The following ARL1 variants were observed in gnomAD, a reference collection of about 807,000 sequenced individuals.
ARL1 encodes the protein ARF like GTPase 1.
Under a neutral mutation model 30.1 loss-of-function variants are expected in ARL1, and 17 were observed. That is an observed-to-expected ratio of 0.56 (90% CI 0.39 to 0.85). The LOEUF (loss-of-function observed/expected upper bound fraction) is 0.85. Ranked by LOEUF, ARL1 falls within the 40% of genes least tolerant of loss-of-function variation. The probability of loss-of-function intolerance (pLI) is 0.00; values close to 1 mark genes in which losing one functional copy is unlikely to be tolerated. For missense variants in ARL1, 102 were observed against 212.6 expected (o/e 0.48, Z 3.24); for synonymous variants, 58 against 71.7 (o/e 0.81, Z 0.97).
intron 4 of ARL1, among the ~76,000 whole-genome samples, chr12:101,398,574 C>T (rs1336535232): frequency 1.3e-5 from 2 of 151,764 alleles, no homozygotes; most frequent in South Asian, 2.1e-4. Context: ...CTCAGCCTCC[C>T]GTGTAGCTGG....
Position 101,402,922 on chromosome 12 carries a change from A to C in ARL1, c.167T>G (p.Val56Gly). 6.2e-7 allele frequency: 1 copy of C among 1,613,004 alleles called. No homozygotes were observed. The highest frequency in any genetic ancestry group is 8.5e-7 in the Non-Finnish European group (1 of 1,179,260). ...TTGGAATTTAAGGTTTTTGTACGTC[A>C]CCGTCTCTACATTAAATCCAATGGC... ...IPTIGFNVET[V>G]TYKNLKFQVW... The change falls in exon 3 of 6, where the codon GTG becomes GGG. Residue 56 changes from valine (V) to glycine (G), a missense_variant. Val to Gly is a moderately radical substitution (Grantham distance 109). Coordinates refer to ENST00000261636, the MANE Select transcript of ARL1 (RefSeq NM_001177.6).
intron 4 of ARL1, among the ~76,000 whole-genome samples, chr12:101,399,156 G>A (rs1333208587): frequency 6.6e-6 from 1 of 151,782 alleles, no homozygotes; most frequent in Non-Finnish European, 1.5e-5. Context: ...AAACTATTAA[G>A]TCTGCAATTT....
In ARL1 at chr12:101,399,921, A is replaced by AT. The variant is rs992019085; in HGVS notation, c.336+1140dup. Among the ~76,000 whole-genome samples the AT allele has an allele frequency of 2.3e-4, 35 of 151,400 alleles. No individual in the cohort carries two copies. The East Asian group carries it at 5.8e-3, about 25-fold the overall frequency. ...GAGAGATACATAAGTAAACAAATAT[A>AT]TTTTTTTTTAATTTTTATTTTTTGA... On this transcript the variant is annotated intron_variant, in intron 4 of 5. Coordinates refer to ENST00000261636, the MANE Select transcript of ARL1 (RefSeq NM_001177.6).
intron 4 of ARL1, among the ~76,000 whole-genome samples, chr12:101,399,509 TAA>T (rs200979843): frequency 1.4e-4 from 16 of 110,554 alleles, no homozygotes; most frequent in East Asian, 6.0e-4. Context: ...AGACTCTGTC[TAA>T]AAAAAAAAAA....
In ARL1 at chr12:101,403,503, A is replaced by G. The variant is rs542680545; in HGVS notation, c.143-557T>C. On this transcript the variant is annotated intron_variant, in intron 2 of 5. Transcript: ENST00000261636. ...AGAAAAAAAGCTAAACTTCAGTTCT[A>G]AACTACAGCATGGACACAGCCATGG... 1.0e-3 allele frequency: 215 copies of G among 213,686 alleles called. 1 individual carries two copies. Among genetic ancestry groups the G allele is most frequent in the African/African-American group, 4.9e-3 (207 of 42,346 alleles). The allele number at this position is 213,686 out of a possible 1,614,324, so 13.2% of individuals were successfully genotyped here.
Position 101,402,962 on chromosome 12 carries a change from A to G in ARL1, c.143-16T>C. Reference sequence around the variant, plus strand: ...AATCCAATGGCTGGAAGAGAAATCAAATCAGTGGTATGTGTAGACTAATAC... The same window carrying G: ...AATCCAATGGCTGGAAGAGAAATCAGATCAGTGGTATGTGTAGACTAATAC... On this transcript the variant is annotated splice_polypyrimidine_tract_variant and intron_variant, in intron 2 of 5. Transcript: ENST00000261636. The G allele has an allele frequency of 6.3e-7, 1 of 1,593,878 alleles. No homozygotes were observed. The highest frequency in any genetic ancestry group is 8.6e-7 in the Non-Finnish European group (1 of 1,162,238).
intron 1 of ARL1, among the ~76,000 whole-genome samples, 174 bp from the exon 2 acceptor site, chr12:101,406,155 A>C (rs1356017644): frequency 6.6e-6 from 1 of 152,212 alleles, no homozygotes; most frequent in Non-Finnish European, 1.5e-5. Flanking sequence ...TCAAACAAGT[A>C]ATTAGTTATG....
In ARL1 at chr12:101,407,717, T is replaced by C. The variant is rs1871488505; in HGVS notation, c.-72A>G. 8 of 1,606,434 alleles carry C rather than the reference T, an allele frequency of 5.0e-6. No individual in the cohort carries two copies. The highest frequency in any genetic ancestry group is 1.1e-5 in the South Asian group (1 of 90,870). On this transcript the variant is annotated 5_prime_UTR_variant, in exon 1 of 6. Transcript: ENST00000261636. ...CTTCGGCTGCAGCTCCGAGGCGGTTTCCTCGCAAGCCCAGTCAGCCAGCAA... is the reference window on the plus strand; with the variant it reads ...CTTCGGCTGCAGCTCCGAGGCGGTTCCCTCGCAAGCCCAGTCAGCCAGCAA...
intron 2 of ARL1, chr12:101,403,178 CAT>C (rs1314066212): frequency 4.1e-6 from 2 of 488,522 alleles, no homozygotes; most frequent in South Asian, 1.9e-5. Flanking sequence ...CTCCCCCACA[CAT>C]GTGCAGGTGT....
chr12:101,406,184 T>C (rs1593468316), intron 1 of ARL1, among the ~76,000 whole-genome samples: 1 of 152,228 alleles, frequency 6.6e-6, no homozygotes, highest in South Asian at 2.1e-4. Context: ...TCCTTAGTTA[T>C]GTTACTATTG....
upstream of ARL1, chr12:101,407,812 C>G: frequency 1.1e-6 from 1 of 939,726 alleles, no homozygotes; most frequent in Non-Finnish European, 1.7e-6. Flanking sequence ...GAACGGTGGC[C>G]TGAGCATCCG....
rs927317947 is a variant in ARL1, at chr12:101,405,694, T to A, written c.142+150A>T. The A allele has an allele frequency of 2.0e-5, 15 of 739,394 alleles. No homozygotes were observed. In the Admixed American group the frequency reaches 4.0e-4, roughly 20 times the overall value. 45.8% of individuals were successfully genotyped at this position (739,394 alleles called of 1,614,324 possible). ...ACTTTGGGAGGCCAAGGCAGGAGGA[T>A]CACTTGAGGCCAAGAGTCTAAGACC... On this transcript the variant is annotated intron_variant, in intron 2 of 5. Transcript: ENST00000261636.
chr12:101,400,088 C>T (rs557066317), intron 4 of ARL1, among the ~76,000 whole-genome samples: 1 of 151,910 alleles, frequency 6.6e-6, no homozygotes, highest in Non-Finnish European at 1.5e-5. Context: ...CCACCATGCC[C>T]GGTTAATTTT....
intron 4 of ARL1, among the ~76,000 whole-genome samples, chr12:101,397,498 T>C (rs1871182385): frequency 1.3e-5 from 2 of 148,630 alleles, no homozygotes; most frequent in South Asian, 2.1e-4. Flanking sequence ...CCCTGTCTCT[T>C]TTTTTTTTTT....
chr12:101,406,037 C>T, intron 1 of ARL1, 56 bp from the exon 2 acceptor site: 1 of 1,392,466 alleles, frequency 7.2e-7, no homozygotes, highest in Middle Eastern at 2.3e-4. Flanking sequence ...ACTAGGTATA[C>T]AAAACATCTA....
At chr12:101,396,364 A>G in intron 5 of ARL1, 35 bp downstream of exon 5, 1 of 1,613,530 alleles carries the variant, frequency 6.2e-7, no homozygotes, top group Non-Finnish European at 8.5e-7. Flanking sequence ...AGCACACACA[A>G]ATGCACAGAT....
chr12:101,405,824 CTCA>C lies in ARL1; in HGVS notation c.142+17_142+19del, dbSNP rs1871425417. 6.5e-7 allele frequency: 1 copy of C among 1,527,298 alleles called. No homozygotes were observed. Among genetic ancestry groups the C allele is most frequent in the Non-Finnish European group, 8.8e-7 (1 of 1,138,488 alleles). 94.6% of individuals were successfully genotyped at this position (1,527,298 alleles called of 1,614,324 possible). Reference sequence around the variant, plus strand: ...GAGACCAGAAAGTCCCTACAATTAGCTCATCATACCAACACTTACTAGGTATAG... The same window carrying C: ...GAGACCAGAAAGTCCCTACAATTAGCTCATACCAACACTTACTAGGTATAG... On this transcript the variant is annotated intron_variant, in intron 2 of 5. Coordinates refer to ENST00000261636, the MANE Select transcript of ARL1 (RefSeq NM_001177.6).
At chr12:101,407,475 T>C in intron 1 of ARL1, 167 bp downstream of exon 1, 1 of 839,796 alleles carries the variant, frequency 1.2e-6, no homozygotes, top group Non-Finnish European at 1.8e-6. Context: ...AGAGGCCGGA[T>C]CCACCCCTAC....
At chr12:101,405,784 T>G (rs1871424382) in intron 2 of ARL1, 60 bp downstream of exon 2, 10 of 1,463,058 alleles carry the variant, frequency 6.8e-6, no homozygotes, top group Middle Eastern at 1.8e-4. Flanking sequence ...AAGAAAGAAA[T>G]AGTTATGTTG....
Sources: allele counts gnomAD v4.1 joint callset (sites outside exome capture counted in the v4.1 genomes callset), GRCh38; gene constraint gnomAD v4.1.1; transcripts MANE v1.5; gene names NCBI Gene and HGNC (gene_info 2026-07-23, HGNC 2026-07-21).